The following METTL8 variants were observed in gnomAD, a reference collection of about 807,000 sequenced individuals.
The protein encoded by METTL8 is tRNA N(3)-cytidine methyltransferase METTL8, mitochondrial.
Under a neutral mutation model 48.7 loss-of-function variants are expected in METTL8, and 32 were observed. The observed-to-expected ratio is 0.66, with a 90% confidence interval of 0.50 to 0.88. The LOEUF (loss-of-function observed/expected upper bound fraction) is 0.88, where lower values mean the gene tolerates loss of function less well. Ranked by LOEUF, METTL8 falls within the 40% of genes least tolerant of loss-of-function variation. The pLI, the probability that METTL8 is intolerant of heterozygous loss-of-function variation, is 0.00. For synonymous variants in METTL8, 136 were observed against 157.1 expected, an observed-to-expected ratio of 0.87 and a Z score of 1.01; for missense variants, 464 against 474.4, an observed-to-expected ratio of 0.98 and a Z score of 0.20.
intron 9 of METTL8, among the ~76,000 whole-genome samples, chr2:171,324,712 T>G (rs13000846): frequency 0.23 from 35,063 of 152,062 alleles, 4,355 homozygotes; most frequent in Non-Finnish European, 0.28. Context: ...TCACATAAAT[T>G]TGGGGAAATC....
intron 1 of METTL8, among the ~76,000 whole-genome samples, chr2:171,420,696 G>A (rs996536367): frequency 6.6e-6 from 1 of 152,114 alleles, no homozygotes; most frequent in African/African-American, 2.4e-5. Context: ...AACAAAATGT[G>A]TCACAAAAAT....
intron 3 of METTL8, among the ~76,000 whole-genome samples, chr2:171,353,074 T>C (rs1684123972): frequency 6.6e-6 from 1 of 152,246 alleles, no homozygotes; most frequent in Admixed American, 6.5e-5. Context: ...GTGTCAATTT[T>C]AGATCTTTCC....
intron 2 of METTL8, among the ~76,000 whole-genome samples, chr2:171,375,730 C>G (rs1686897522): frequency 6.6e-6 from 1 of 152,062 alleles, no homozygotes; most frequent in Non-Finnish European, 1.5e-5. Context: ...TAAAAAGGAA[C>G]AAACTATTGA....
chr2:171,401,481 G>A (rs188830610), intron 1 of METTL8, among the ~76,000 whole-genome samples: 68 of 152,184 alleles, frequency 4.5e-4, no homozygotes, highest in African/African-American at 1.6e-3. Context: ...ACACTATGAC[G>A]TCAGTAACTC....
chr2:171,396,823 A>G (rs1014286419), intron 1 of METTL8, among the ~76,000 whole-genome samples: 26 of 152,062 alleles, frequency 1.7e-4, no homozygotes, highest in African/African-American at 6.3e-4. Context: ...AAAGAGAAAG[A>G]TGTCAAATCA....
chr2:171,327,609 T>G (rs997513551), intron 7 of METTL8, among the ~76,000 whole-genome samples: 1 of 152,200 alleles, frequency 6.6e-6, no homozygotes, highest in African/African-American at 2.4e-5. Context: ...TCAGATTATG[T>G]CATGTTATGA....
chr2:171,397,444 C>T (rs191151210), intron 1 of METTL8, among the ~76,000 whole-genome samples: 2 of 143,892 alleles, frequency 1.4e-5, no homozygotes, highest in East Asian at 4.2e-4. Context: ...GTCCCAGCTA[C>T]TTGGGAGGCC....
intron 1 of METTL8, among the ~76,000 whole-genome samples, chr2:171,412,379 A>G (rs1393469883): frequency 6.6e-6 from 1 of 152,160 alleles, no homozygotes; most frequent in East Asian, 1.9e-4. Flanking sequence ...CTTATCCACA[A>G]CTTCCCAGCC....
chr2:171,392,517 A>C (rs765185239), intron 1 of METTL8, among the ~76,000 whole-genome samples: 10 of 152,228 alleles, frequency 6.6e-5, no homozygotes, highest in Non-Finnish European at 1.3e-4. Flanking sequence ...TGTGTACTAA[A>C]GACAGATTTT....
chr2:171,320,845 C>A lies in METTL8; in HGVS notation c.*3327G>T, dbSNP rs767407022. 9.2e-5 allele frequency: 14 copies of A among 152,196 alleles called. No individual in the cohort carries two copies. Among genetic ancestry groups the A allele is most frequent in the Non-Finnish European group, 1.9e-4 (13 of 68,040 alleles). 9.4% of individuals were successfully genotyped at this position (152,196 alleles called of 1,614,324 possible). On this transcript the variant is annotated 3_prime_UTR_variant, in exon 10 of 10. Coordinates refer to ENST00000375258, the MANE Select transcript of METTL8 (RefSeq NM_001321154.2). The stretch of plus-strand genomic sequence containing the variant: ...ACTGATCTCTGACCTCACTCCATTC[C>A]ATTCTATAGACAACTCCTCAACCTC...
At chr2:171,336,102 T>C (rs1212640206) in intron 5 of METTL8, among the ~76,000 whole-genome samples, 8 of 141,234 alleles carry the variant, frequency 5.7e-5, no homozygotes, top group Admixed American at 5.0e-4. Context: ...CAAACTCTGC[T>C]TTTTTTTTTT....
upstream of METTL8, chr2:171,434,744 C>T: frequency 7.2e-7 from 1 of 1,391,856 alleles, no homozygotes; most frequent in South Asian, 1.6e-5. Flanking sequence ...GGGCCGCGGG[C>T]GCGCGGCGGC....
At chr2:171,385,977 T>G (rs1574081296) in intron 2 of METTL8, among the ~76,000 whole-genome samples, 1 of 152,220 alleles carries the variant, frequency 6.6e-6, no homozygotes, top group East Asian at 1.9e-4. Flanking sequence ...CTTTTCAAGT[T>G]AGAAATTCCT....
At chr2:171,356,966 T>TTTTTTTTTTTTG (rs1684646130) in intron 3 of METTL8, among the ~76,000 whole-genome samples, 1 of 140,564 alleles carries the variant, frequency 7.1e-6, no homozygotes, top group Non-Finnish European at 1.5e-5. Flanking sequence ...TTTTTTTTTT[T>TTTTTTTTTTTTG]TTTGAGACAG....
intron 1 of METTL8, among the ~76,000 whole-genome samples, chr2:171,414,903 C>T (rs1308379678): frequency 6.6e-6 from 1 of 152,058 alleles, no homozygotes; most frequent in Non-Finnish European, 1.5e-5. Context: ...ATACTATTCT[C>T]GTGGTAGTGA....
chr2:171,428,039 T>C (rs1692592572), intron 1 of METTL8, among the ~76,000 whole-genome samples: 1 of 152,228 alleles, frequency 6.6e-6, no homozygotes, highest in African/African-American at 2.4e-5. Flanking sequence ...TTTATTAACT[T>C]TTGAATTAAT....
chr2:171,368,394 T>C (rs1184978967), intron 2 of METTL8, among the ~76,000 whole-genome samples: 4 of 152,338 alleles, frequency 2.6e-5, no homozygotes, highest in Middle Eastern at 3.4e-3. Flanking sequence ...ATGTGGCATA[T>C]AGTTTCTCAA....
intron 2 of METTL8, among the ~76,000 whole-genome samples, chr2:171,372,657 C>T (rs763182160): frequency 2.6e-5 from 4 of 152,038 alleles, no homozygotes; most frequent in Admixed American, 6.6e-5. Flanking sequence ...CAACAGGCCC[C>T]GGTGTGTGAC....
intron 2 of METTL8, among the ~76,000 whole-genome samples, chr2:171,390,420 C>T (rs1373922385): frequency 6.6e-6 from 1 of 152,210 alleles, no homozygotes; most frequent in Admixed American, 6.5e-5. Context: ...GCTATAGCTG[C>T]CATAAATAGT....
Sources: gnomAD v4.1 joint callset for allele counts (sites outside exome capture counted in the v4.1 genomes callset) on GRCh38, gnomAD v4.1.1 for gene constraint, MANE v1.5 for transcripts, NCBI Gene and HGNC (gene_info 2026-07-23, HGNC 2026-07-21) for gene names.